Variants in GLI3 observed in about 807,000 individuals in gnomAD.
The protein encoded by GLI3 is transcription activator GLI3.
GLI3 carries 20 observed loss-of-function variants against 100.8 expected under a neutral mutation model. The ratio of observed to expected loss-of-function variants is 0.20; its 90% CI spans 0.14 to 0.29. The LOEUF (loss-of-function observed/expected upper bound fraction) is 0.29. Ranked by LOEUF, GLI3 falls within the 10% of genes least tolerant of loss-of-function variation. The probability of loss-of-function intolerance (pLI) is 1.00; values close to 1 mark genes in which losing one functional copy is unlikely to be tolerated. For missense variants in GLI3, 2,040 were observed against 2,128.5 expected, an observed-to-expected ratio of 0.96 and a Z score of 0.82; for synonymous variants, 938 against 860.5, an observed-to-expected ratio of 1.09 and a Z score of -1.58.
intron 10 of GLI3, among the ~76,000 whole-genome samples, chr7:41,996,448 C>T (rs1032924486): frequency 6.6e-6 from 1 of 152,098 alleles, no homozygotes; most frequent in Non-Finnish European, 1.5e-5. Context: ...GTTAGTCAAC[C>T]GCTGGCTCAT....
In GLI3 at chr7:42,045,427, G is replaced by A. The variant is rs748769754; in HGVS notation, c.783C>T (p.Ala261=). The A allele has an allele frequency of 2.2e-5, 36 of 1,613,642 alleles. No homozygotes were observed. The East Asian group carries it at 2.9e-4, about 13-fold the overall frequency. The change falls in exon 6 of 15, where the codon GCC becomes GCT. Residue 261 remains alanine, a synonymous_variant. Coordinates refer to ENST00000395925, the MANE Select transcript of GLI3 (RefSeq NM_000168.6). ...YADIIPSAAT[A]GTGAIHMEYL... is the part of the protein sequence containing the mutation. ...ATTCCATGTGGATGGCCCCCGTGCC[G>A]GCGGTGGCAGCTGAGGGAATAATGT...
chr7:41,977,182 T>A lies in GLI3; in HGVS notation c.1812+376A>T, dbSNP rs557934705. 3.3e-5 allele frequency among the ~76,000 whole-genome samples: 5 copies of A among 152,324 alleles called. No individual in the cohort carries two copies. The South Asian group carries it at 1.0e-3, about 32-fold the overall frequency. The stretch of plus-strand genomic sequence containing the variant: ...AGCTGTCAGCTGTCAACATGCTACT[T>A]CTTAATATATCCTTGGGGCTTATGG... On this transcript the variant is annotated intron_variant, in intron 12 of 14. Transcript: ENST00000395925.
chr7:42,173,916 T>C (rs569081922), intron 2 of GLI3, among the ~76,000 whole-genome samples: 2 of 152,360 alleles, frequency 1.3e-5, no homozygotes, highest in African/African-American at 4.8e-5. Context: ...ACATGGCTTT[T>C]ATTTCTGAGA....
intron 4 of GLI3, among the ~76,000 whole-genome samples, chr7:42,067,993 T>C (rs929152912): frequency 5.3e-5 from 8 of 152,226 alleles, no homozygotes; most frequent in African/African-American, 1.9e-4. Context: ...GCCAAAATAT[T>C]AGGTGATGGG....
intron 6 of GLI3, among the ~76,000 whole-genome samples, chr7:42,041,275 A>T (rs1459750493): frequency 6.6e-6 from 1 of 152,244 alleles, no homozygotes; most frequent in Non-Finnish European, 1.5e-5. Flanking sequence ...TCCGGAGGTG[A>T]GTAACTCAAA....
chr7:42,070,322 A>G (rs1185122629), intron 4 of GLI3, among the ~76,000 whole-genome samples: 1 of 152,120 alleles, frequency 6.6e-6, no homozygotes, highest in Non-Finnish European at 1.5e-5. Context: ...CTGTATTTCC[A>G]CCTTGGGAAT....
chr7:42,117,927 G>A (rs1785901006), intron 3 of GLI3, among the ~76,000 whole-genome samples: 3 of 152,118 alleles, frequency 2.0e-5, no homozygotes, highest in African/African-American at 7.2e-5. Context: ...ATGGAAGGAC[G>A]GCACCATAGT....
chr7:42,017,351 C>T (rs781667722), intron 10 of GLI3, among the ~76,000 whole-genome samples: 14 of 152,076 alleles, frequency 9.2e-5, no homozygotes, highest in African/African-American at 2.7e-4. Context: ...AACAGTTACT[C>T]GGAGGAAGAT....
intron 10 of GLI3, among the ~76,000 whole-genome samples, chr7:42,015,262 C>G (rs575539049): frequency 6.6e-6 from 1 of 152,242 alleles, no homozygotes; most frequent in South Asian, 2.1e-4. Context: ...TCCCATCCCC[C>G]ACTCACTGAT....
rs542623901 is a variant in GLI3 at position 42,000,376 on chromosome 7, C to A, written c.1498-21628G>T. Among the ~76,000 whole-genome samples, 34 of 152,128 alleles carry A rather than the reference C, an allele frequency of 2.2e-4. No homozygotes were observed. The South Asian group carries it at 4.8e-3, about 21-fold the overall frequency. On this transcript the variant is annotated intron_variant, in intron 10 of 14. Transcript: ENST00000395925. ...ACAATGTAAAATAAATCAGAAAAAG[C>A]AAACAAATTTTTAACAACCTAAAAA...
intron 4 of GLI3, among the ~76,000 whole-genome samples, chr7:42,071,451 C>T (rs1255369636): frequency 3.9e-5 from 6 of 152,030 alleles, no homozygotes; most frequent in East Asian, 1.9e-4. Flanking sequence ...CATATTTTAC[C>T]GGAAACTTCC....
chr7:42,116,107 A>C (rs1473792487), intron 3 of GLI3, among the ~76,000 whole-genome samples: 1 of 152,106 alleles, frequency 6.6e-6, no homozygotes, highest in Non-Finnish European at 1.5e-5. Context: ...CATGAGACAC[A>C]CATTTCTGCA....
intron 2 of GLI3, among the ~76,000 whole-genome samples, chr7:42,203,954 G>A (rs571914029): frequency 1.3e-5 from 2 of 152,002 alleles, no homozygotes; most frequent in Non-Finnish European, 2.9e-5. Context: ...AGCCGAGATC[G>A]TGCCACCGCA....
In GLI3 at chr7:42,076,516, CA is replaced by C. The variant is rs555163894; in HGVS notation, c.473+235del. ...TTACAGCCCACAGAACACACGTCAG[CA>C]AAATATATAGGAAATACTTGTCGGC... On this transcript the variant is annotated intron_variant, in intron 4 of 14. Transcript: ENST00000395925. Among the ~76,000 whole-genome samples, 16 of 152,286 alleles carry C rather than the reference CA, an allele frequency of 1.1e-4. No homozygotes were observed. The South Asian group carries it at 2.3e-3, about 22-fold the overall frequency.
chr7:42,212,457 C>T (rs1340374595), intron 2 of GLI3, among the ~76,000 whole-genome samples: 2 of 152,052 alleles, frequency 1.3e-5, no homozygotes, highest in Non-Finnish European at 2.9e-5. Flanking sequence ...AAATATTTAA[C>T]CCAATTTATA....
At chr7:42,003,875 T>C (rs889806755) in intron 10 of GLI3, among the ~76,000 whole-genome samples, 6 of 152,152 alleles carry the variant, frequency 3.9e-5, no homozygotes, top group African/African-American at 7.2e-5. Context: ...GCACAAAAAA[T>C]GAAACAAAGA....
chr7:42,048,373 C>T, intron 5 of GLI3, 118 bp downstream of exon 5: 1 of 784,486 alleles, frequency 1.3e-6, no homozygotes, highest in South Asian at 1.4e-5. Flanking sequence ...GCACAGAGCA[C>T]AGCGCCTGGC....
chr7:41,988,473 AAG>A (rs568163954), intron 10 of GLI3, among the ~76,000 whole-genome samples: 14,548 of 45,330 alleles, frequency 0.32, 653 homozygotes, highest in South Asian at 0.41. Context: ...CAAAAAAAAA[AAG>A]GGGGGGGGGG....
intron 2 of GLI3, among the ~76,000 whole-genome samples, chr7:42,193,315 GT>G (rs1787865337): frequency 6.6e-6 from 1 of 151,994 alleles, no homozygotes; most frequent in South Asian, 2.1e-4. Flanking sequence ...TTCAAAAGGG[GT>G]TTAAAAAAAT....
Sources: allele counts gnomAD v4.1 joint callset (sites outside exome capture counted in the v4.1 genomes callset), GRCh38; gene constraint gnomAD v4.1.1; transcripts MANE v1.5; gene names NCBI Gene and HGNC (gene_info 2026-07-23, HGNC 2026-07-21).